The following ADGRB1 variants were observed in gnomAD, a reference collection of about 807,000 sequenced individuals.
ADGRB1 encodes the protein adhesion G protein-coupled receptor B1, also known as brain-specific angiogenesis inhibitor 1.
A neutral mutation model predicts 175.7 loss-of-function variants in ADGRB1; 36 were observed. The observed-to-expected ratio is 0.20, with a 90% CI of 0.16 to 0.27. ADGRB1 has a LOEUF of 0.27. Ranked by LOEUF, ADGRB1 falls within the 10% of genes least tolerant of loss-of-function variation. The probability of loss-of-function intolerance (pLI) is 1.00; values close to 1 mark genes in which losing one functional copy is unlikely to be tolerated. For missense variants in ADGRB1, 1,731 were observed against 2,255.3 expected, an observed-to-expected ratio of 0.77 and a Z score of 4.71; for synonymous variants, 1,054 against 979.4, an observed-to-expected ratio of 1.08 and a Z score of -1.42.
chr8:142,478,106 A>T, intron 6 of ADGRB1, 81 bp from the exon 7 acceptor site: 1 of 1,513,780 alleles, frequency 6.6e-7, no homozygotes, highest in Non-Finnish European at 9.0e-7. Flanking sequence ...GGTAGCACCC[A>T]GGGTGCTCAC....
At chr8:142,509,128 C>T (rs914710320) in intron 17 of ADGRB1, among the ~76,000 whole-genome samples, 1 of 152,226 alleles carries the variant, frequency 6.6e-6, no homozygotes, top group Non-Finnish European at 1.5e-5. Flanking sequence ...CTCCCCTGGG[C>T]CCGAATCTCA....
rs370766100 is a variant in ADGRB1, at chr8:142,511,673, C to T, written c.2817+600C>T. Among the ~76,000 whole-genome samples, 1 of 152,142 alleles carries T rather than the reference C, an allele frequency of 6.6e-6. No individual in the cohort carries two copies. The highest frequency in any genetic ancestry group is 6.5e-5 in the Admixed American group (1 of 15,286). On this transcript the variant is annotated intron_variant, in intron 18 of 30. Coordinates refer to ENST00000517894, the MANE Select transcript of ADGRB1 (RefSeq NM_001702.3). The surrounding 1 kb of genome is among the most constrained non-coding windows in gnomAD (Gnocchi z 4.5). ...GGGCTGCCGGTTTCTATGGAGACGG[C>T]ATCTGGGGTCAGCCGCTGGCAGGGG... is the stretch of plus-strand genomic sequence containing the variant.
Position 142,475,475 on chromosome 8 carries a change from C to A in ADGRB1, c.786C>A (p.Gly262=), listed in dbSNP as rs781300698. The A allele has an allele frequency of 1.5e-6, 2 of 1,293,372 alleles. No individual in the cohort carries two copies. Among genetic ancestry groups the A allele is most frequent in the East Asian group, 2.8e-5 (1 of 35,464 alleles). 80.1% of individuals were successfully genotyped at this position (1,293,372 alleles called of 1,614,324 possible). The change falls in exon 3 of 31, where the codon GGC becomes GGA. Residue 262 remains glycine, a splice_region_variant and synonymous_variant. Coordinates refer to ENST00000517894, the MANE Select transcript of ADGRB1 (RefSeq NM_001702.3). ...CCCCGCCCTCTGGTTTCCCCCCAGGCGGCTGGAAGCTGTGGTCCCTGTGGG... is the reference window on the plus strand; with the variant it reads ...CCCCGCCCTCTGGTTTCCCCCCAGGAGGCTGGAAGCTGTGGTCCCTGTGGG... The part of the protein sequence containing the change: ...TQDRGGHGAT[G]GWKLWSLWGE...
rs555744616 is a variant in ADGRB1, at chr8:142,479,774, G to A, written c.1808G>A (p.Arg603Gln). ...CCAGCGGGAGAGGTGGCTGCTGTCCGGTGTCCCCGCAACGCCACAGGTGAG... is the reference window on the plus strand; with the variant it reads ...CCAGCGGGAGAGGTGGCTGCTGTCCAGTGTCCCCGCAACGCCACAGGTGAG... ...ETPAGEVAAV[R>Q]CPRNATGLIL... is the part of the protein sequence containing the mutation. Residue 603 changes from arginine to glutamine, a missense_variant, in exon 9 of 31, where the codon CGG becomes CAG. Arg to Gln is a conservative substitution (Grantham distance 43). Transcript: ENST00000517894. 4.0e-5 allele frequency: 64 copies of A among 1,612,740 alleles called. No individual in the cohort carries two copies. The highest frequency in any genetic ancestry group is 1.3e-4 in the Admixed American group (8 of 59,914).
chr8:142,480,553 C>T (rs1005073774), intron 9 of ADGRB1, among the ~76,000 whole-genome samples: 9 of 152,316 alleles, frequency 5.9e-5, no homozygotes, highest in Middle Eastern at 3.4e-3. Context: ...AAAAGAAGCA[C>T]GTGAATGCCG....
chr8:142,541,185 G>T (rs1177722122), intron 27 of ADGRB1, among the ~76,000 whole-genome samples: 1 of 152,024 alleles, frequency 6.6e-6, no homozygotes, highest in Non-Finnish European at 1.5e-5. Context: ...GTGGAGGGTG[G>T]GCACCCCTCT....
chr8:142,522,804 C>A (rs1843929534), intron 22 of ADGRB1, 94 bp downstream of exon 22: 1 of 1,279,876 alleles, frequency 7.8e-7, no homozygotes, highest in Non-Finnish European at 1.0e-6. Context: ...TGCCCTCCCC[C>A]CGTGTGACCC....
rs1365527769 is a variant in ADGRB1 at position 142,542,921 on chromosome 8, C to T, written c.4413+274C>T. The stretch of plus-strand genomic sequence containing the variant: ...GAGCAGGACCTGCACCTCGCACAGT[C>T]GCTAGTCCAGCCCTTGGGGCAGCCT... On this transcript the variant is annotated intron_variant, in intron 28 of 30. Coordinates refer to ENST00000517894, the MANE Select transcript of ADGRB1 (RefSeq NM_001702.3). The surrounding 1 kb of genome is among the most constrained non-coding windows in gnomAD (Gnocchi z 6.3). Among the ~76,000 whole-genome samples, 1 of 152,200 alleles carries T rather than the reference C, an allele frequency of 6.6e-6. No homozygotes were observed. Among genetic ancestry groups the T allele is most frequent in the Non-Finnish European group, 1.5e-5 (1 of 68,030 alleles).
chr8:142,475,180 C>T (rs1166516450), intron 2 of ADGRB1, among the ~76,000 whole-genome samples: 1 of 152,234 alleles, frequency 6.6e-6, no homozygotes, highest in Non-Finnish European at 1.5e-5. Flanking sequence ...TGCTCTGAGG[C>T]AGCCCTCTGG....
At chr8:142,538,018 A>G (rs1845042953) in intron 26 of ADGRB1, among the ~76,000 whole-genome samples, 1 of 152,126 alleles carries the variant, frequency 6.6e-6, no homozygotes, top group African/African-American at 2.4e-5. Context: ...TCAGGACAGC[A>G]TCCACGCCCT....
At chr8:142,531,541 GGAA>G (rs1356218263) in intron 24 of ADGRB1, among the ~76,000 whole-genome samples, 2 of 152,230 alleles carry the variant, frequency 1.3e-5, no homozygotes, top group African/African-American at 4.8e-5. Flanking sequence ...AGTTGTACAG[GGAA>G]GAAGGAGTCC....
chr8:142,476,169 T>C (rs932856072), intron 3 of ADGRB1, among the ~76,000 whole-genome samples: 29 of 152,354 alleles, frequency 1.9e-4, no homozygotes, highest in African/African-American at 6.7e-4. Flanking sequence ...TAAATCACGT[T>C]GTAATGAGAC....
At chr8:142,489,815 G>A (rs1447379810) in intron 16 of ADGRB1, among the ~76,000 whole-genome samples, 3 of 152,042 alleles carry the variant, frequency 2.0e-5, no homozygotes, top group Middle Eastern at 3.2e-3. Context: ...TGCCGGCACC[G>A]CCAGGACTGA....
Position 142,544,948 on chromosome 8 carries a change from A to AG in ADGRB1, c.*537dup, listed in dbSNP as rs1845497602. The AG allele has an allele frequency of 6.5e-6, 1 of 152,942 alleles. No homozygotes were observed. The allele number at this position is 152,942 out of a possible 1,614,324, so 9.5% of individuals were successfully genotyped here. ...GACTGAGTCCCCTCCAGGAAGAAGC[A>AG]GGGGGGAATCTATTTTTTCTCTCCT... is the stretch of plus-strand genomic sequence containing the variant. On this transcript the variant is annotated 3_prime_UTR_variant, in exon 31 of 31. Transcript: ENST00000517894.
At chr8:142,531,590 C>T (rs1055425251) in intron 24 of ADGRB1, among the ~76,000 whole-genome samples, 2 of 152,174 alleles carry the variant, frequency 1.3e-5, no homozygotes, top group Non-Finnish European at 2.9e-5. Flanking sequence ...TGTCCAAGAG[C>T]AGGAGGGGCG....
chr8:142,456,128 C>G (rs1839663412), intron 1 of ADGRB1, among the ~76,000 whole-genome samples: 1 of 152,110 alleles, frequency 6.6e-6, no homozygotes. Flanking sequence ...CCCCTGCACT[C>G]TGCACCCCCT....
At position 142,539,355 on chromosome 8, in the gene ADGRB1, T is replaced by A; in HGVS notation, c.3667-19T>A. On this transcript the variant is annotated intron_variant, in intron 26 of 30. Transcript: ENST00000517894. ...GCTCCCAGAGGCGCTCACCCTGCCCTGTTGTCTCTGTCCTACAGACCGACT... is the reference window on the plus strand; with the variant it reads ...GCTCCCAGAGGCGCTCACCCTGCCCAGTTGTCTCTGTCCTACAGACCGACT... 2 of 1,576,736 alleles carry A rather than the reference T, an allele frequency of 1.3e-6. No individual in the cohort carries two copies. The highest frequency in any genetic ancestry group is 1.7e-6 in the Non-Finnish European group (2 of 1,162,000).
At chr8:142,473,688 A>G (rs967391571) in intron 2 of ADGRB1, among the ~76,000 whole-genome samples, 3 of 152,172 alleles carry the variant, frequency 2.0e-5, no homozygotes, top group African/African-American at 7.2e-5. Flanking sequence ...CCTCTCTGGG[A>G]CCTGTGGGAG....
intron 1 of ADGRB1, among the ~76,000 whole-genome samples, chr8:142,458,089 G>A (rs1371826880): frequency 1.3e-5 from 2 of 151,824 alleles, no homozygotes; most frequent in Admixed American, 1.3e-4. Context: ...TTTGTGGCTG[G>A]TGTCTGGGGA....
Sources: allele counts gnomAD v4.1 joint callset (sites outside exome capture counted in the v4.1 genomes callset), GRCh38; gene constraint gnomAD v4.1.1; non-coding constraint Gnocchi (gnomAD v3.1); transcripts MANE v1.5; gene names NCBI Gene and HGNC (gene_info 2026-07-23, HGNC 2026-07-21).